The following NYAP2 variants were observed in gnomAD, a reference collection of about 807,000 sequenced individuals.
NYAP2 encodes neuronal tyrosine-phosphorylated phosphoinositide-3-kinase adapter 2.
A neutral mutation model predicts 50.4 loss-of-function variants in NYAP2; 23 were observed. The ratio of observed to expected loss-of-function variants is 0.46; its 90% CI spans 0.33 to 0.65. The LOEUF is 0.65. NYAP2 is among the 30% of genes least tolerant of loss of function. The pLI, the probability that NYAP2 is intolerant of heterozygous loss-of-function variation, is 0.02. For synonymous variants in NYAP2, 394 were observed against 365.2 expected (o/e 1.08, Z -0.90); for missense variants, 885 against 861.0 (o/e 1.03, Z -0.35).
At chr2:225,417,773 T>A (rs576827781) in intron 3 of NYAP2, among the ~76,000 whole-genome samples, 2 of 152,266 alleles carry the variant, frequency 1.3e-5, no homozygotes, top group South Asian at 4.1e-4. Context: ...GATGTTTATA[T>A]GTATTGCATA....
chr2:225,568,223 C>T (rs1473833331), intron 4 of NYAP2, among the ~76,000 whole-genome samples: 2 of 152,118 alleles, frequency 1.3e-5, no homozygotes, highest in Non-Finnish European at 2.9e-5. Context: ...TTCATGCCTT[C>T]CCTTGACCTT....
At chr2:225,447,900 A>T (rs1689586725) in intron 3 of NYAP2, among the ~76,000 whole-genome samples, 1 of 152,232 alleles carries the variant, frequency 6.6e-6, no homozygotes, top group Admixed American at 6.5e-5. Context: ...CTGTTCAAAC[A>T]AATATAATTT....
chr2:225,587,107 C>G (rs1275408806), intron 5 of NYAP2, among the ~76,000 whole-genome samples: 1 of 152,142 alleles, frequency 6.6e-6, no homozygotes, highest in African/African-American at 2.4e-5. Context: ...TGGGGAAAAC[C>G]ACCCCCATGA....
chr2:225,547,334 G>A (rs945489711), intron 4 of NYAP2, among the ~76,000 whole-genome samples: 2 of 152,174 alleles, frequency 1.3e-5, no homozygotes, highest in Non-Finnish European at 2.9e-5. Flanking sequence ...TGTCTCACTA[G>A]ATCATGTGCC....
intron 3 of NYAP2, among the ~76,000 whole-genome samples, chr2:225,411,983 T>C (rs1212879845): frequency 6.7e-6 from 1 of 149,194 alleles, no homozygotes; most frequent in Non-Finnish European, 1.5e-5. Flanking sequence ...AATTTACAAA[T>C]AATATTATAT....
intron 4 of NYAP2, among the ~76,000 whole-genome samples, chr2:225,543,491 T>G (rs1427318750): frequency 1.3e-5 from 2 of 152,096 alleles, no homozygotes; most frequent in East Asian, 3.8e-4. Flanking sequence ...CCAATTTTCT[T>G]CTTAATTTCT....
intron 3 of NYAP2, among the ~76,000 whole-genome samples, chr2:225,415,778 T>A (rs887674393): frequency 2.6e-5 from 4 of 152,062 alleles, no homozygotes; most frequent in Non-Finnish European, 1.5e-5. Context: ...GGAAACACAT[T>A]GTCAACTTTA....
chr2:225,398,646 G>GA (rs1353422646), upstream of NYAP2, among the ~76,000 whole-genome samples: 2 of 151,870 alleles, frequency 1.3e-5, no homozygotes, highest in African/African-American at 4.8e-5. Context: ...GAGAGAGAGG[G>GA]AAAGGGAGAG....
At chr2:225,681,319 A>C in the NYAP2 span, among the ~76,000 whole-genome samples, 1 of 152,200 alleles carries the variant, frequency 6.6e-6, no homozygotes, top group Non-Finnish European at 1.5e-5. Flanking sequence ...ATAAAGTCAG[A>C]ATTCAGTTAT....
intron 4 of NYAP2, among the ~76,000 whole-genome samples, chr2:225,516,781 T>C (rs1690942414): frequency 6.6e-6 from 1 of 152,200 alleles, no homozygotes; most frequent in South Asian, 2.1e-4. Context: ...ATAATTGTGC[T>C]ATAACTGGAG....
chr2:225,503,349 T>C (rs1384047056), intron 3 of NYAP2, among the ~76,000 whole-genome samples: 1 of 152,226 alleles, frequency 6.6e-6, no homozygotes, highest in Admixed American at 6.5e-5. Context: ...GCCATGACAC[T>C]TCAAGAAGTA....
At chr2:225,676,758 T>C in the NYAP2 span, among the ~76,000 whole-genome samples, 1 of 152,146 alleles carries the variant, frequency 6.6e-6, no homozygotes, top group Admixed American at 6.6e-5. Context: ...TAAGATTTTG[T>C]TGGGGACACA....
chr2:225,561,602 G>A (rs1691875066), intron 4 of NYAP2, among the ~76,000 whole-genome samples: 2 of 152,024 alleles, frequency 1.3e-5, no homozygotes, highest in South Asian at 4.1e-4. Context: ...GGGCTGGCAT[G>A]GAGTAAGCAT....
chr2:225,671,993 T>G, the NYAP2 span, among the ~76,000 whole-genome samples: 92,854 of 151,908 alleles, frequency 0.61, 29,765 homozygotes, highest in South Asian at 0.82. Context: ...TCCACACTTT[T>G]TTTTTTCATT....
chr2:225,578,837 T>C (rs2106226979), intron 4 of NYAP2, among the ~76,000 whole-genome samples: 1 of 152,322 alleles, frequency 6.6e-6, no homozygotes, highest in East Asian at 1.9e-4. Context: ...TATAATGTTG[T>C]CTTAGGTAGC....
intron 3 of NYAP2, among the ~76,000 whole-genome samples, chr2:225,457,476 C>G (rs755238816): frequency 2.1e-4 from 32 of 151,978 alleles, no homozygotes; most frequent in Non-Finnish European, 4.1e-4. Context: ...AATAAAGGAA[C>G]AAAAAGTCTA....
At chr2:225,586,263 C>T (rs1208781065) in intron 5 of NYAP2, among the ~76,000 whole-genome samples, 5 of 151,862 alleles carry the variant, frequency 3.3e-5, no homozygotes, top group Non-Finnish European at 7.4e-5. Context: ...GGGGATTGGT[C>T]AATAGAGAAG....
At chr2:225,428,363 T>C (rs897565454) in intron 3 of NYAP2, among the ~76,000 whole-genome samples, 1 of 152,202 alleles carries the variant, frequency 6.6e-6, no homozygotes, top group African/African-American at 2.4e-5. Context: ...CTCTGCTCTT[T>C]AAAATCTTCC....
chr2:225,595,953 T>G (rs1457794791), intron 5 of NYAP2, among the ~76,000 whole-genome samples: 2 of 152,158 alleles, frequency 1.3e-5, no homozygotes, highest in African/African-American at 4.8e-5. Context: ...GTTCTAGCAT[T>G]TTTCCTCTCC....
Sources: gnomAD v4.1 joint callset for allele counts (sites outside exome capture counted in the v4.1 genomes callset) on GRCh38, gnomAD v4.1.1 for gene constraint, MANE v1.5 for transcripts, NCBI Gene and HGNC (gene_info 2026-07-23, HGNC 2026-07-21) for gene names.